Variants in EIF3H observed in about 807,000 individuals in gnomAD.
EIF3H encodes the protein eukaryotic translation initiation factor 3 subunit H.
Under a neutral mutation model 44.2 loss-of-function variants are expected in EIF3H, and 26 were observed. The observed-to-expected ratio is 0.59, with a 90% CI of 0.43 to 0.82. The LOEUF is 0.82. EIF3H is among the 40% of genes least tolerant of loss of function. The pLI is 0.00. For missense variants in EIF3H, 359 were observed against 432.8 expected (o/e 0.83, Z 1.51); for synonymous variants, 166 against 151.9 (o/e 1.09, Z -0.68).
At chr8:116,716,040 AAGAG>A (rs5894349) in intron 2 of EIF3H, among the ~76,000 whole-genome samples, 4 of 151,880 alleles carry the variant, frequency 2.6e-5, no homozygotes, top group African/African-American at 9.6e-5. Context: ...ATTGTGAATT[AAGAG>A]AGAGACAAGC....
chr8:116,747,605 G>A (rs1815259604), intron 1 of EIF3H, among the ~76,000 whole-genome samples: 1 of 151,980 alleles, frequency 6.6e-6, no homozygotes, highest in African/African-American at 2.4e-5. Flanking sequence ...AGAGGCCAAG[G>A]GTCATATAAT....
intron 2 of EIF3H, among the ~76,000 whole-genome samples, chr8:116,713,031 A>T (rs1399898386): frequency 6.6e-6 from 1 of 152,142 alleles, no homozygotes; most frequent in African/African-American, 2.4e-5. Context: ...ATTAGTACTA[A>T]AACAGTTCAT....
intron 6 of EIF3H, 62 bp downstream of exon 6, chr8:116,648,744 T>G: frequency 6.7e-7 from 1 of 1,498,088 alleles, no homozygotes; most frequent in Non-Finnish European, 8.9e-7. Context: ...ATTTTGAACA[T>G]GACTCTTGAA....
chr8:116,696,125 A>T (rs1814265472), intron 2 of EIF3H, among the ~76,000 whole-genome samples: 1 of 152,226 alleles, frequency 6.6e-6, no homozygotes, highest in Non-Finnish European at 1.5e-5. Context: ...TCTAAATACC[A>T]TTCTTCTCTT....
At chr8:116,759,726 TGC>T (rs1441527719), upstream of EIF3H, among the ~76,000 whole-genome samples, 1 of 152,058 alleles carries the variant, frequency 6.6e-6, no homozygotes, top group African/African-American at 2.4e-5. Context: ...TGTGTGCGTG[TGC>T]GCGCGCACAC....
At chr8:116,676,159 T>C (rs570228714) in intron 2 of EIF3H, among the ~76,000 whole-genome samples, 4 of 152,206 alleles carry the variant, frequency 2.6e-5, no homozygotes, top group East Asian at 1.9e-4. Flanking sequence ...GATCTTGAAG[T>C]TGGTTGTCAA....
intron 3 of EIF3H, 22 bp downstream of exon 3, chr8:116,658,791 G>T (rs371617864): frequency 3.9e-5 from 63 of 1,599,164 alleles, no homozygotes; most frequent in Non-Finnish European, 4.5e-5. Context: ...AGGGAAAAAA[G>T]AATAATAAAC....
chr8:116,757,300 G>C (rs1253465058), upstream of EIF3H, among the ~76,000 whole-genome samples: 1 of 152,112 alleles, frequency 6.6e-6, no homozygotes, highest in Non-Finnish European at 1.5e-5. Context: ...GAGAGGGCCA[G>C]AGAATATGAA....
At chr8:116,692,905 C>A (rs1814203242) in intron 2 of EIF3H, among the ~76,000 whole-genome samples, 1 of 152,092 alleles carries the variant, frequency 6.6e-6, no homozygotes, top group African/African-American at 2.4e-5. Flanking sequence ...TTAATTTTAT[C>A]TTTGTATCAA....
intron 2 of EIF3H, among the ~76,000 whole-genome samples, chr8:116,710,130 C>A (rs894759179): frequency 4.6e-5 from 7 of 152,136 alleles, no homozygotes. Flanking sequence ...GGAAGCACTG[C>A]ACAACATACT....
intron 2 of EIF3H, among the ~76,000 whole-genome samples, chr8:116,718,039 T>A (rs1814683105): frequency 6.6e-6 from 1 of 151,432 alleles, no homozygotes; most frequent in Non-Finnish European, 1.5e-5. Context: ...CTCAAACAAG[T>A]CAGCAAGAAA....
At chr8:116,727,768 A>G (rs1359328006) in intron 1 of EIF3H, among the ~76,000 whole-genome samples, 1 of 152,202 alleles carries the variant, frequency 6.6e-6, no homozygotes, top group African/African-American at 2.4e-5. Flanking sequence ...ATTGTTTCCT[A>G]AAGAAAAACA....
chr8:116,765,330 T>G (rs1433152780), intron 1 of EIF3H, among the ~76,000 whole-genome samples: 2 of 152,224 alleles, frequency 1.3e-5, no homozygotes, highest in Non-Finnish European at 2.9e-5. Context: ...ATTATAGATC[T>G]TATTCCAATT....
intron 2 of EIF3H, among the ~76,000 whole-genome samples, chr8:116,670,921 G>T (rs549773048): frequency 6.6e-6 from 1 of 152,256 alleles, no homozygotes; most frequent in East Asian, 1.9e-4. Flanking sequence ...TCCTATGGAG[G>T]GCCACTAGGA....
chr8:116,695,067 CTTT>C (rs767166377), intron 2 of EIF3H, among the ~76,000 whole-genome samples: 7 of 133,534 alleles, frequency 5.2e-5, no homozygotes, highest in Non-Finnish European at 3.2e-5. Context: ...CTTCCTAATT[CTTT>C]TTTTTTTTTT....
chr8:116,704,842 T>C (rs200191483), intron 2 of EIF3H, among the ~76,000 whole-genome samples: 2 of 148,966 alleles, frequency 1.3e-5, no homozygotes, highest in Non-Finnish European at 3.0e-5. Context: ...CATTTTTTTT[T>C]CTTCAACTAT....
At chr8:116,764,545 G>A (rs2131016052) in intron 1 of EIF3H, among the ~76,000 whole-genome samples, 1 of 152,272 alleles carries the variant, frequency 6.6e-6, no homozygotes, top group Non-Finnish European at 1.5e-5. Context: ...TCTTTGAATA[G>A]TACCCCTCTC....
intron 2 of EIF3H, among the ~76,000 whole-genome samples, chr8:116,671,723 C>T (rs1233365948): frequency 6.6e-6 from 1 of 152,212 alleles, no homozygotes; most frequent in African/African-American, 2.4e-5. Context: ...TACTCAAATG[C>T]TTAACGTTTG....
chr8:116,646,248 T>C (rs1330625060), intron 7 of EIF3H, among the ~76,000 whole-genome samples: 1 of 152,138 alleles, frequency 6.6e-6, no homozygotes, highest in Non-Finnish European at 1.5e-5. Context: ...CTCAAAAATG[T>C]TTAGAAACAC....
Sources: allele counts gnomAD v4.1 joint callset (sites outside exome capture counted in the v4.1 genomes callset), GRCh38; gene constraint gnomAD v4.1.1; transcripts MANE v1.5; gene names NCBI Gene and HGNC (gene_info 2026-07-23, HGNC 2026-07-21).